COL18A1: variants seen among roughly 807,000 people sequenced by gnomAD.
The protein encoded by COL18A1 is collagen type XVIII alpha 1 chain, also known as collagen alpha-1(XVIII) chain.
Under a neutral mutation model 168.0 loss-of-function variants are expected in COL18A1, and 133 were observed. That is an observed-to-expected ratio of 0.79 (90% confidence interval 0.69 to 0.91). The LOEUF is 0.91. Ranked by LOEUF, COL18A1 falls within the 40% of genes least tolerant of loss-of-function variation. COL18A1 has a pLI of 0.00. For missense variants in COL18A1, 2,126 were observed against 1,925.4 expected (o/e 1.10, Z -1.95); for synonymous variants, 949 against 809.0 (o/e 1.17, Z -2.94).
At chr21:45,438,448 C>CA (rs1458948515) in intron 2 of COL18A1, among the ~76,000 whole-genome samples, 5 of 152,258 alleles carry the variant, frequency 3.3e-5, no homozygotes, top group African/African-American at 1.2e-4. Flanking sequence ...CTCTGGAGCT[C>CA]ATCCCTGGGT....
intron 2 of COL18A1, among the ~76,000 whole-genome samples, chr21:45,466,434 G>A (rs949699710): frequency 7.2e-5 from 11 of 152,204 alleles, no homozygotes; most frequent in South Asian, 2.1e-4. Context: ...AGGAGGGGCC[G>A]CCCCACCATA....
chr21:45,441,166 G>C (rs1484250181), intron 2 of COL18A1, among the ~76,000 whole-genome samples: 1 of 152,172 alleles, frequency 6.6e-6, no homozygotes, highest in African/African-American at 2.4e-5. Context: ...CCAGACCTGG[G>C]GTCTTGCAGG....
intron 5 of COL18A1, among the ~76,000 whole-genome samples, chr21:45,476,074 A>G (rs1218989586): frequency 3.9e-5 from 6 of 152,078 alleles, no homozygotes; most frequent in African/African-American, 1.2e-4. Context: ...GCAGATTCAC[A>G]TCAGCTTCCC....
At chr21:45,509,687 T>TG in intron 39 of COL18A1, 86 bp downstream of exon 39, 14 of 820,460 alleles carry the variant, frequency 1.7e-5, no homozygotes, top group Non-Finnish European at 2.8e-5. Context: ...GCAGAGCTGC[T>TG]GGGGGTCCCA....
At chr21:45,408,824 C>T (rs1002333899) in intron 2 of COL18A1, among the ~76,000 whole-genome samples, 1 of 152,156 alleles carries the variant, frequency 6.6e-6, no homozygotes, top group Non-Finnish European at 1.5e-5. Flanking sequence ...CCGAGGCCAC[C>T]CTGGAACTCT....
Position 45,475,486 on chromosome 21 carries a change from ACT to A in COL18A1, c.752_753del (p.Ser251TrpfsTer46). ...TTTCAAACTCCTCAGGCATCCGGAG[ACT>A]CTGGCAGCGGGCTCGGGGACGCCCG... On this transcript the variant is annotated frameshift_variant, in exon 5 of 42. Transcript: ENST00000651438. LOFTEE classifies it high-confidence loss of function. The A allele has an allele frequency of 1.9e-6, 3 of 1,604,328 alleles. No individual in the cohort carries two copies. The highest frequency in any genetic ancestry group is 2.5e-6 in the Non-Finnish European group (3 of 1,177,226).
chr21:45,512,717 C>T lies in COL18A1; in HGVS notation c.*319C>T. On this transcript the variant is annotated 3_prime_UTR_variant, in exon 42 of 42. Coordinates refer to ENST00000651438, the MANE Select transcript of COL18A1 (RefSeq NM_001379500.1). Reference sequence around the variant, plus strand: ...TGATCAGACCACGGCTCGATTTCTCCAGGATTTCCTGCTTTGGGAAGCCGT... The same window carrying T: ...TGATCAGACCACGGCTCGATTTCTCTAGGATTTCCTGCTTTGGGAAGCCGT... The T allele has an allele frequency of 2.3e-6, 1 of 431,544 alleles. No homozygotes were observed. Among genetic ancestry groups the T allele is most frequent in the Non-Finnish European group, 4.3e-6 (1 of 233,050 alleles). 26.7% of individuals were successfully genotyped at this position (431,544 alleles called of 1,614,324 possible).
chr21:45,456,147 C>G (rs1057181306), intron 2 of COL18A1: 1 of 1,583,962 alleles, frequency 6.3e-7, no homozygotes. Flanking sequence ...GCACCACTCA[C>G]GGGGCCCTCA....
chr21:45,507,147 G>A, intron 37 of COL18A1: 1 of 198,000 alleles, frequency 5.1e-6, no homozygotes, highest in South Asian at 5.1e-5. Context: ...CCCTCCTGTG[G>A]GCTGGGAGGG....
At chr21:45,437,513 C>G (rs200233170) in intron 2 of COL18A1, among the ~76,000 whole-genome samples, 5 of 60,200 alleles carry the variant, frequency 8.3e-5, no homozygotes, top group Non-Finnish European at 1.0e-4. Context: ...CACTCTCCTG[C>G]ACACACACAC....
At chr21:45,448,542 T>G (rs2034552509) in intron 2 of COL18A1, among the ~76,000 whole-genome samples, 1 of 152,266 alleles carries the variant, frequency 6.6e-6, no homozygotes, top group Admixed American at 6.5e-5. Context: ...CACGTGTGCT[T>G]CTGCATACCC....
At chr21:45,470,614 G>A (rs2035387059) in intron 3 of COL18A1, among the ~76,000 whole-genome samples, 1 of 151,504 alleles carries the variant, frequency 6.6e-6, no homozygotes, top group African/African-American at 2.4e-5. Context: ...AGCCTCCCAA[G>A]TAGCTGGGAT....
At chr21:45,411,083 G>T (rs529930074) in intron 2 of COL18A1, among the ~76,000 whole-genome samples, 1 of 152,288 alleles carries the variant, frequency 6.6e-6, no homozygotes, top group South Asian at 2.1e-4. Flanking sequence ...GGGACATCTG[G>T]CCTCTCCCTG....
rs565557436 is a variant in COL18A1, at chr21:45,509,343, C to T, written c.3250-13C>T. 1.4e-5 allele frequency: 22 copies of T among 1,544,346 alleles called. No homozygotes were observed. The highest frequency in any genetic ancestry group is 4.9e-5 in the East Asian group (2 of 41,054). On this transcript the variant is annotated splice_polypyrimidine_tract_variant and intron_variant, in intron 38 of 41. Coordinates refer to ENST00000651438, the MANE Select transcript of COL18A1 (RefSeq NM_001379500.1). ...GTCCCCCCGCCGACAGGCCCCACGT[C>T]TCCCACCTGCAGGACAATGAAGTGG...
chr21:45,479,665 C>G (rs1319329695), intron 9 of COL18A1, among the ~76,000 whole-genome samples: 1 of 152,168 alleles, frequency 6.6e-6, no homozygotes, highest in African/African-American at 2.4e-5. Context: ...TTCGGGGAAC[C>G]TGCTGTGACC....
At position 45,509,274 on chromosome 21, in the gene COL18A1, C is replaced by T. The variant is rs191997585; in HGVS notation, c.3250-82C>T. 4 of 1,519,996 alleles carry T rather than the reference C, an allele frequency of 2.6e-6. No homozygotes were observed. The African/African-American group carries it at 4.1e-5, about 16-fold the overall frequency. The allele number at this position is 1,519,996 out of a possible 1,614,324, so 94.2% of individuals were successfully genotyped here. ...CCAGTTCAGAGCCCAGCCCCTCTCACCCAGCCCAGAGGAGGACACAGATGG... is the reference window on the plus strand; with the variant it reads ...CCAGTTCAGAGCCCAGCCCCTCTCATCCAGCCCAGAGGAGGACACAGATGG... On this transcript the variant is annotated intron_variant, in intron 38 of 41. Transcript: ENST00000651438.
chr21:45,461,954 A>G (rs1265697394), intron 2 of COL18A1, among the ~76,000 whole-genome samples: 1 of 152,218 alleles, frequency 6.6e-6, no homozygotes, highest in Non-Finnish European at 1.5e-5. Flanking sequence ...GGGCAGGTCT[A>G]GTGGCAATTA....
At chr21:45,410,251 CG>C (rs2123500882) in intron 2 of COL18A1, among the ~76,000 whole-genome samples, 1 of 85,120 alleles carries the variant, frequency 1.2e-5, no homozygotes, top group East Asian at 3.6e-4. Flanking sequence ...CTCGCCACCT[CG>C]GGGCTGATCC....
Position 45,480,543 on chromosome 21 carries a change from C to T in COL18A1, c.1452+23C>T, listed in dbSNP as rs375014927. ...CGGGTGAGTGGCCCTTAAACTGCAGCGCTGCCCGATGTCTGTGCCCATGAG... is the reference window on the plus strand; with the variant it reads ...CGGGTGAGTGGCCCTTAAACTGCAGTGCTGCCCGATGTCTGTGCCCATGAG... On this transcript the variant is annotated intron_variant, in intron 12 of 41. Transcript: ENST00000651438. 2.5e-5 allele frequency: 41 copies of T among 1,613,872 alleles called. 2 individuals carry two copies. The highest frequency in any genetic ancestry group is 2.4e-4 in the South Asian group (22 of 91,084).
Sources: gnomAD v4.1 joint callset for allele counts (sites outside exome capture counted in the v4.1 genomes callset) on GRCh38, gnomAD v4.1.1 for gene constraint, MANE v1.5 for transcripts, NCBI Gene and HGNC (gene_info 2026-07-23, HGNC 2026-07-21) for gene names.